The following AGBL1 variants were observed in gnomAD, a reference collection of about 807,000 sequenced individuals.
AGBL1 encodes the protein AGBL carboxypeptidase 1, also known as cytosolic carboxypeptidase 4.
A neutral mutation model predicts 118.9 loss-of-function variants in AGBL1; 130 were observed. The ratio of observed to expected loss-of-function variants is 1.09; its 90% CI spans 0.95 to 1.26. The LOEUF is 1.26. AGBL1 is among the 50% of genes most tolerant of loss of function. The pLI is 0.00. For missense variants in AGBL1, 1,584 were observed against 1,298.1 expected (o/e 1.22, Z -3.38); for synonymous variants, 555 against 478.9 (o/e 1.16, Z -2.08).
At chr15:86,533,671 A>G (rs1242342123) in intron 19 of AGBL1, among the ~76,000 whole-genome samples, 1 of 132,234 alleles carries the variant, frequency 7.6e-6, no homozygotes, top group Non-Finnish European at 1.6e-5. Flanking sequence ...ACGTATGTTT[A>G]TTGTGGCATT....
rs1354475703 is a variant in AGBL1, at chr15:86,247,866, T to G, written c.722T>G (p.Phe241Cys). The change falls in exon 7 of 23, where the codon TTC becomes TGC. Residue 241 changes from phenylalanine to cysteine, a missense_variant. Coordinates refer to ENST00000614907, the MANE Select transcript of AGBL1 (RefSeq NM_001386094.1). ...GCAGCACAGGGCATGGAGATCCTCT[T>G]CAGCACCACACAGGCAGGCAGCATG... ...FLAAQGMEIL[F>C]STTQNCLDDK... is the part of the protein sequence containing the mutation. The G allele has an allele frequency of 3.1e-6, 5 of 1,613,900 alleles. No homozygotes were observed. The South Asian group carries it at 4.4e-5, about 14-fold the overall frequency.
At chr15:86,746,991 C>A (rs2077766625) in intron 22 of AGBL1, among the ~76,000 whole-genome samples, 1 of 151,988 alleles carries the variant, frequency 6.6e-6, no homozygotes, top group African/African-American at 2.4e-5. Context: ...TATTCAGTAA[C>A]TCAGCAATTA....
chr15:86,324,807 G>A (rs1172730421), intron 17 of AGBL1, among the ~76,000 whole-genome samples: 1 of 152,186 alleles, frequency 6.6e-6, no homozygotes, highest in Non-Finnish European at 1.5e-5. Flanking sequence ...AACCACAAGA[G>A]TTTGCCATTT....
chr15:86,539,193 A>T (rs1296055146), intron 19 of AGBL1, among the ~76,000 whole-genome samples: 1 of 152,188 alleles, frequency 6.6e-6, no homozygotes, highest in Non-Finnish European at 1.5e-5. Flanking sequence ...ACTAGATGAA[A>T]CTACACAAAG....
In AGBL1 at chr15:86,270,086, C is replaced by A. The variant is rs748239264; in HGVS notation, c.1987+19C>A. 6.2e-7 allele frequency: 1 copy of A among 1,600,342 alleles called. No individual in the cohort carries two copies. Among genetic ancestry groups the A allele is most frequent in the South Asian group, 1.1e-5 (1 of 88,452 alleles). Reference sequence around the variant, plus strand: ...AATTATGGTATGAACGCTTGGGGAGCAGGGGCTTTCTGGAACATGCCAGGA... The same window carrying A: ...AATTATGGTATGAACGCTTGGGGAGAAGGGGCTTTCTGGAACATGCCAGGA... On this transcript the variant is annotated intron_variant, in intron 14 of 22. Coordinates refer to ENST00000614907, the MANE Select transcript of AGBL1 (RefSeq NM_001386094.1).
intron 17 of AGBL1, among the ~76,000 whole-genome samples, chr15:86,313,665 AATTG>A (rs1357932786): frequency 6.6e-6 from 1 of 152,194 alleles, no homozygotes; most frequent in African/African-American, 2.4e-5. Flanking sequence ...AGACCCCAAT[AATTG>A]ATTAATAATA....
chr15:86,696,403 C>T (rs183133179), intron 22 of AGBL1, among the ~76,000 whole-genome samples: 211 of 151,830 alleles, frequency 1.4e-3, no homozygotes, highest in Non-Finnish European at 2.2e-3. Flanking sequence ...ATAGCTACTC[C>T]TGCTTGCTTT....
At chr15:86,899,358 G>T (rs911183178) in intron 22 of AGBL1, among the ~76,000 whole-genome samples, 13 of 152,028 alleles carry the variant, frequency 8.6e-5, no homozygotes, top group African/African-American at 3.1e-4. Flanking sequence ...ACCCAAAAAG[G>T]AAACAACAGA....
At chr15:86,614,370 C>T (rs2084695413) in intron 21 of AGBL1, among the ~76,000 whole-genome samples, 1 of 152,174 alleles carries the variant, frequency 6.6e-6, no homozygotes, top group Non-Finnish European at 1.5e-5. Context: ...CTGGAATACT[C>T]CACCTTGTTC....
chr15:86,790,581 G>T (rs2078478333), intron 22 of AGBL1, among the ~76,000 whole-genome samples: 2 of 152,224 alleles, frequency 1.3e-5, no homozygotes, highest in South Asian at 2.1e-4. Context: ...TGACCATTTG[G>T]TCTCTTAGTT....
chr15:86,389,846 G>A (rs1405504150), intron 17 of AGBL1, among the ~76,000 whole-genome samples: 1 of 152,128 alleles, frequency 6.6e-6, no homozygotes, highest in African/African-American at 2.4e-5. Context: ...ATGAAGGTCA[G>A]ATGGGAAAAA....
intron 17 of AGBL1, among the ~76,000 whole-genome samples, chr15:86,374,780 G>A (rs2081016543): frequency 6.6e-6 from 1 of 152,168 alleles, no homozygotes; most frequent in South Asian, 2.1e-4. Context: ...GCACACAGGA[G>A]CCAGACTGCC....
Position 86,427,723 on chromosome 15 carries a change from A to G in AGBL1, c.2555+30177A>G, listed in dbSNP as rs1042658467. Among the ~76,000 whole-genome samples, 3 of 152,212 alleles carry G rather than the reference A, an allele frequency of 2.0e-5. No individual in the cohort carries two copies. The South Asian group carries it at 6.2e-4, about 31-fold the overall frequency. ...TCTCAAAAACTGTAGATGATATATT[A>G]TGTGGCATCCCTTAATATAGTTAAC... On this transcript the variant is annotated intron_variant, in intron 18 of 22. Transcript: ENST00000614907.
At chr15:86,468,013 G>T (rs1261317085) in intron 18 of AGBL1, among the ~76,000 whole-genome samples, 1 of 152,020 alleles carries the variant, frequency 6.6e-6, no homozygotes, top group African/African-American at 2.4e-5. Flanking sequence ...TTACTAGCAT[G>T]TTTCTGCCCA....
At chr15:86,595,992 G>A (rs6496346) in intron 21 of AGBL1, among the ~76,000 whole-genome samples, 99,530 of 151,810 alleles carry the variant, frequency 0.66, 32,977 homozygotes, top group East Asian at 0.81. Flanking sequence ...AGTCTGAAAA[G>A]CATCTCAAAA....
At chr15:86,962,378 A>G (rs1341663123) in intron 23 of AGBL1, among the ~76,000 whole-genome samples, 1 of 152,072 alleles carries the variant, frequency 6.6e-6, no homozygotes, top group Admixed American at 6.6e-5. Context: ...TTTTATTATC[A>G]TTCACAAGGC....
chr15:86,416,684 T>A (rs2081700756), intron 18 of AGBL1, among the ~76,000 whole-genome samples: 2 of 152,222 alleles, frequency 1.3e-5, no homozygotes, highest in South Asian at 4.1e-4. Context: ...CCATAATGCA[T>A]GTAATGTAAC....
chr15:86,840,834 A>G (rs986262013), intron 22 of AGBL1, among the ~76,000 whole-genome samples: 1 of 152,132 alleles, frequency 6.6e-6, no homozygotes, highest in Non-Finnish European at 1.5e-5. Flanking sequence ...GTTTGAATTA[A>G]CTATGCCCCA....
At chr15:86,393,565 C>T (rs2081319075) in intron 17 of AGBL1, among the ~76,000 whole-genome samples, 1 of 152,114 alleles carries the variant, frequency 6.6e-6, no homozygotes, top group African/African-American at 2.4e-5. Flanking sequence ...ATTGGCGTGC[C>T]AACACAGCTT....
Sources: gnomAD v4.1 joint callset for allele counts (sites outside exome capture counted in the v4.1 genomes callset) on GRCh38, gnomAD v4.1.1 for gene constraint, MANE v1.5 for transcripts, NCBI Gene and HGNC (gene_info 2026-07-23, HGNC 2026-07-21) for gene names.